Variants in MAP3K21 observed in about 807,000 individuals in gnomAD.
MAP3K21 encodes the protein mitogen-activated protein kinase kinase kinase 21.
A neutral mutation model predicts 86.1 loss-of-function variants in MAP3K21; 63 were observed. The observed-to-expected ratio is 0.73, with a 90% CI of 0.60 to 0.90. The LOEUF is 0.90. Ranked by LOEUF, MAP3K21 falls within the 40% of genes least tolerant of loss-of-function variation. MAP3K21 has a pLI of 0.00. For synonymous variants in MAP3K21, 558 were observed against 564.8 expected (o/e 0.99, Z 0.17); for missense variants, 1,220 against 1,367.7 (o/e 0.89, Z 1.70).
chr1:233,358,473 G>GTTGTTTT (rs71574857), intron 4 of MAP3K21, among the ~76,000 whole-genome samples: 14 of 141,642 alleles, frequency 9.9e-5, no homozygotes, highest in African/African-American at 3.6e-4. Flanking sequence ...ACTCTAATTT[G>GTTGTTTT]TTTTTTTTTT....
chr1:233,376,007 AG>A lies in MAP3K21; in HGVS notation c.1769del (p.Gly590ValfsTer11). ...ATGTAAAAAGGAATTTTAAGAAAAA[AG>A]GTTGTACCTGGGGACCAAATTCCAT... ...EDVKRNFKKKGCTWGPNSIQM... is the reference protein window; with the variant it reads ...EDVKRNFKKKXCTWGPNSIQM... On this transcript the variant is annotated frameshift_variant, in exon 7 of 10. Transcript: ENST00000366624. LOFTEE classifies it high-confidence loss of function. 6.2e-7 allele frequency: 1 copy of A among 1,608,838 alleles called. No homozygotes were observed. The highest frequency in any genetic ancestry group is 8.5e-7 in the Non-Finnish European group (1 of 1,178,564).
At chr1:233,335,381 C>T (rs926153772) in intron 1 of MAP3K21, among the ~76,000 whole-genome samples, 6 of 152,054 alleles carry the variant, frequency 3.9e-5, no homozygotes, top group Admixed American at 2.0e-4. Context: ...TGCAAAACCA[C>T]GATTACTTGT....
At chr1:233,355,091 C>A (rs1363397534) in intron 4 of MAP3K21, 80 bp downstream of exon 4, 2 of 1,023,218 alleles carry the variant, frequency 2.0e-6, no homozygotes, top group Non-Finnish European at 1.4e-6. Flanking sequence ...GCACTGTTAG[C>A]ATTATTCAAA....
At chr1:233,353,157 C>A (rs1348031360) in intron 2 of MAP3K21, among the ~76,000 whole-genome samples, 1 of 144,822 alleles carries the variant, frequency 6.9e-6, no homozygotes, top group Admixed American at 7.3e-5. Context: ...TTTTTATTCC[C>A]ATTTCACCCT....
Position 233,379,241 on chromosome 1 carries a change from A to T in MAP3K21, c.2235A>T (p.Ala745=). 1 of 1,614,240 alleles carries T rather than the reference A, an allele frequency of 6.2e-7. No individual in the cohort carries two copies. Among genetic ancestry groups the T allele is most frequent in the South Asian group, 1.1e-5 (1 of 91,082 alleles). Residue 745 remains alanine, a synonymous_variant, in exon 9 of 10, where the codon GCA becomes GCT. Coordinates refer to ENST00000366624, the MANE Select transcript of MAP3K21 (RefSeq NM_032435.3). ...LGLDLRELHK[A]QAAEEPLPKE... ...TGGACCTCAGAGAGCTTCATAAAGC[A>T]CAGGCTGCTGAAGAACCGTTGCCCA...
intron 2 of MAP3K21, among the ~76,000 whole-genome samples, chr1:233,349,168 C>G (rs773709331): frequency 6.6e-6 from 1 of 152,058 alleles, no homozygotes; most frequent in African/African-American, 2.4e-5. Flanking sequence ...GAAGGCTGAG[C>G]GTGTGTGTTT....
chr1:233,342,124 T>C (rs1663049095), intron 1 of MAP3K21, among the ~76,000 whole-genome samples: 2 of 152,212 alleles, frequency 1.3e-5, no homozygotes, highest in Non-Finnish European at 2.9e-5. Context: ...TCATAGGGAA[T>C]AAGGACTGAG....
intron 5 of MAP3K21, among the ~76,000 whole-genome samples, chr1:233,366,175 T>A (rs772585814): frequency 2.6e-5 from 4 of 151,824 alleles, no homozygotes; most frequent in Non-Finnish European, 5.9e-5. Context: ...AGAATTGTGG[T>A]TATTGGGGTG....
At chr1:233,373,397 T>C (rs1040319643) in intron 6 of MAP3K21, 2 of 152,386 alleles carry the variant, frequency 1.3e-5, no homozygotes, top group Admixed American at 1.3e-4. Context: ...GAAGTGGTAC[T>C]GGGAAGGCCT....
intron 1 of MAP3K21, among the ~76,000 whole-genome samples, 167 bp from the exon 2 acceptor site, chr1:233,346,275 C>T (rs749805854): frequency 1.8e-4 from 27 of 152,136 alleles, no homozygotes; most frequent in Non-Finnish European, 4.0e-4. Flanking sequence ...GCACAGATAA[C>T]CCACTAAAGA....
At chr1:233,367,109 A>G (rs936797660) in intron 5 of MAP3K21, among the ~76,000 whole-genome samples, 3 of 152,178 alleles carry the variant, frequency 2.0e-5, no homozygotes, top group Non-Finnish European at 4.4e-5. Flanking sequence ...TTAATACAAG[A>G]CAAAAGCTTT....
At chr1:233,347,748 G>A (rs1273903466) in intron 2 of MAP3K21, among the ~76,000 whole-genome samples, 4 of 152,060 alleles carry the variant, frequency 2.6e-5, no homozygotes, top group South Asian at 4.1e-4. Flanking sequence ...GGGAAGGAGC[G>A]GGGAAAGGGC....
At position 233,382,963 on chromosome 1, in the gene MAP3K21, A is replaced by C. The variant is rs944185165; in HGVS notation, c.*252A>C. The C allele has an allele frequency of 2.7e-6, 1 of 368,918 alleles. No homozygotes were observed. The allele number at this position is 368,918 out of a possible 1,614,324, so 22.9% of individuals were successfully genotyped here. The stretch of plus-strand genomic sequence containing the variant: ...AAAACAAGAGATGTGCACCAATGAA[A>C]ACTATGCTGGGTCGAATTACCTTCA... On this transcript the variant is annotated 3_prime_UTR_variant, in exon 10 of 10. Transcript: ENST00000366624.
Position 233,358,551 on chromosome 1 carries a change from G to C in MAP3K21, c.1312-3502G>C, listed in dbSNP as rs550765469. On this transcript the variant is annotated intron_variant, in intron 4 of 9. Coordinates refer to ENST00000366624, the MANE Select transcript of MAP3K21 (RefSeq NM_032435.3). ...GGTGTTTAATTACAAAAATGAAAAAGATTTTGAAGAGCAGGAAAAGCGTTT... is the reference window on the plus strand; with the variant it reads ...GGTGTTTAATTACAAAAATGAAAAACATTTTGAAGAGCAGGAAAAGCGTTT... 1.7e-4 allele frequency among the ~76,000 whole-genome samples: 26 copies of C among 148,740 alleles called. No homozygotes were observed. The South Asian group carries it at 5.4e-3, about 31-fold the overall frequency.
chr1:233,372,026 TGCCTCCAACAGA>T lies in MAP3K21; in HGVS notation c.1553-11_1553del. 1.2e-6 allele frequency: 2 copies of T among 1,609,890 alleles called. No individual in the cohort carries two copies. The highest frequency in any genetic ancestry group is 1.7e-5 in the Admixed American group (1 of 59,462). On this transcript the variant is annotated splice_acceptor_variant and splice_polypyrimidine_tract_variant and coding_sequence_variant and intron_variant, in exon 6 of 10. Transcript: ENST00000366624. LOFTEE classifies it high-confidence loss of function. ...CCATGAAATACCAGTTCTCCCTTTTTGCCTCCAACAGATTTCCAGCACAAGATAACCGTGCAG... is the reference window on the plus strand; with the variant it reads ...CCATGAAATACCAGTTCTCCCTTTTTTTTCCAGCACAAGATAACCGTGCAG...
At chr1:233,351,149 T>G (rs1424358969) in intron 2 of MAP3K21, among the ~76,000 whole-genome samples, 1 of 152,146 alleles carries the variant, frequency 6.6e-6, no homozygotes, top group African/African-American at 2.4e-5. Context: ...GTTTACTTAT[T>G]TTTGAAATTA....
intron 2 of MAP3K21, among the ~76,000 whole-genome samples, chr1:233,348,494 A>G (rs1265618809): frequency 6.6e-6 from 1 of 152,168 alleles, no homozygotes; most frequent in Admixed American, 6.5e-5. Flanking sequence ...TTCCTTGACT[A>G]TATATCTAGG....
rs1421110155 is a variant in MAP3K21 at position 233,382,803 on chromosome 1, T to A, written c.*92T>A. ...TTGAACTGTTTCATGCTGCTGTGTT[T>A]TCAAAAGCTGTGGCCATGTTCCTAA... On this transcript the variant is annotated 3_prime_UTR_variant, in exon 10 of 10. Transcript: ENST00000366624. 3 of 1,177,584 alleles carry A rather than the reference T, an allele frequency of 2.5e-6. No homozygotes were observed. The highest frequency in any genetic ancestry group is 3.6e-6 in the Non-Finnish European group (3 of 838,966). The allele number at this position is 1,177,584 out of a possible 1,614,324, so 72.9% of individuals were successfully genotyped here. A position where few individuals can be genotyped will look rare whatever the true frequency, so the allele number is the denominator to read the frequency against.
chr1:233,328,494 G>T lies in MAP3K21; in HGVS notation c.466G>T (p.Asp156Tyr), dbSNP rs1662740513. Residue 156 changes from aspartate to tyrosine, a missense_variant, in exon 1 of 10, where the codon GAC (aspartate) becomes TAC (tyrosine). Physicochemically the swap from Asp to Tyr is radical, Grantham distance 160. Transcript: ENST00000366624. The surrounding 1 kb of genome is among the most constrained non-coding windows in gnomAD (Gnocchi z 8.7). Reference sequence around the variant, plus strand: ...GGTGGCCGTGAAGGCGGCGCGCCAGGACCCGGAGCAGGACGCGGCGGCGGC... The same window carrying T: ...GGTGGCCGTGAAGGCGGCGCGCCAGTACCCGGAGCAGGACGCGGCGGCGGC... ...QEVAVKAARQ[D>Y]PEQDAAAAAE... is the part of the protein sequence containing the mutation. 3 of 1,516,448 alleles carry T rather than the reference G, an allele frequency of 2.0e-6. No homozygotes were observed. The highest frequency in any genetic ancestry group is 1.8e-6 in the Non-Finnish European group (2 of 1,142,804). 93.9% of individuals were successfully genotyped at this position (1,516,448 alleles called of 1,614,324 possible).
Sources: gnomAD v4.1 joint callset for allele counts (sites outside exome capture counted in the v4.1 genomes callset) on GRCh38, gnomAD v4.1.1 for gene constraint, Gnocchi (gnomAD v3.1) non-coding constraint, MANE v1.5 for transcripts, NCBI Gene and HGNC (gene_info 2026-07-23, HGNC 2026-07-21) for gene names.